The following ROBO2 variants were observed in gnomAD, a reference collection of about 807,000 sequenced individuals.
ROBO2 encodes roundabout guidance receptor 2.
Under a neutral mutation model 160.8 loss-of-function variants are expected in ROBO2, and 53 were observed. That is an observed-to-expected ratio of 0.33 (90% CI 0.26 to 0.41). ROBO2 has a LOEUF of 0.41. Ranked by LOEUF, ROBO2 falls within the 10% of genes least tolerant of loss-of-function variation. ROBO2 has a pLI of 1.00. For synonymous variants in ROBO2, 664 were observed against 611.7 expected, an observed-to-expected ratio of 1.09 and a Z score of -1.26; for missense variants, 1,577 against 1,722.4, an observed-to-expected ratio of 0.92 and a Z score of 1.49.
At chr3:76,893,700 G>A (rs2074538755) in intron 2 of ROBO2, among the ~76,000 whole-genome samples, 1 of 151,878 alleles carries the variant, frequency 6.6e-6, no homozygotes, top group African/African-American at 2.4e-5. Flanking sequence ...TAACTACTTT[G>A]AAATATACAA....
intron 2 of ROBO2, among the ~76,000 whole-genome samples, chr3:75,972,703 AT>A (rs1276797120): frequency 2.0e-5 from 3 of 151,604 alleles, no homozygotes; most frequent in Non-Finnish European, 4.4e-5. Flanking sequence ...TGAGACATAA[AT>A]TCTTGGACCC....
intron 2 of ROBO2, among the ~76,000 whole-genome samples, chr3:76,020,362 C>T (rs1053930925): frequency 2.6e-5 from 4 of 151,772 alleles, no homozygotes; most frequent in Admixed American, 1.3e-4. Context: ...ACATTTATTA[C>T]GATGACCGTT....
chr3:77,644,840 C>T, exon 25 of ROBO2: 1 of 1,614,096 alleles, frequency 6.2e-7, no homozygotes, highest in Non-Finnish European at 8.5e-7. Flanking sequence ...AGCGCAATGC[C>T]AGCGACCTTC....
intron 2 of ROBO2, among the ~76,000 whole-genome samples, chr3:76,619,665 A>G (rs1172251628): frequency 1.3e-5 from 2 of 152,348 alleles, no homozygotes; most frequent in Non-Finnish European, 1.5e-5. Flanking sequence ...ATTATGTATT[A>G]GCACACATCA....
At chr3:77,283,310 C>A (rs930490814) in intron 2 of ROBO2, among the ~76,000 whole-genome samples, 1 of 152,174 alleles carries the variant, frequency 6.6e-6, no homozygotes, top group African/African-American at 2.4e-5. Context: ...ATTGCTCTCA[C>A]ACAACGTTAC....
chr3:77,016,016 G>A (rs187649779), intron 2 of ROBO2, among the ~76,000 whole-genome samples: 51 of 151,018 alleles, frequency 3.4e-4, no homozygotes, highest in African/African-American at 1.1e-3. Flanking sequence ...TTGCTCTGTC[G>A]CCCAGGCTGG....
intron 23 of ROBO2, among the ~76,000 whole-genome samples, chr3:77,625,072 T>C (rs1476516943): frequency 6.6e-6 from 1 of 152,150 alleles, no homozygotes; most frequent in African/African-American, 2.4e-5. Context: ...AATAAGCATG[T>C]TAACTACAAT....
At chr3:77,366,032 A>T (rs1032211275) in intron 2 of ROBO2, among the ~76,000 whole-genome samples, 1 of 152,186 alleles carries the variant, frequency 6.6e-6, no homozygotes, top group Non-Finnish European at 1.5e-5. Flanking sequence ...CGCAGGAATC[A>T]GTCCTAATGA....
At chr3:76,198,199 C>T (rs1393856534) in intron 2 of ROBO2, among the ~76,000 whole-genome samples, 1 of 151,386 alleles carries the variant, frequency 6.6e-6, no homozygotes. Flanking sequence ...CCTCATCACA[C>T]CCTCCTCCCT....
At chr3:76,744,333 T>TTCC (rs1052093811) in intron 2 of ROBO2, among the ~76,000 whole-genome samples, 2 of 150,992 alleles carry the variant, frequency 1.3e-5, no homozygotes, top group Admixed American at 1.3e-4. Flanking sequence ...TTCTCTTTCT[T>TTCC]TCCTCCTCCT....
At chr3:76,475,979 C>T (rs759783196) in intron 2 of ROBO2, among the ~76,000 whole-genome samples, 13 of 152,022 alleles carry the variant, frequency 8.6e-5, no homozygotes, top group Non-Finnish European at 1.8e-4. Context: ...ATGGTGTAAC[C>T]CCATCCCTAC....
chr3:77,164,641 C>A (rs980411211), intron 2 of ROBO2, among the ~76,000 whole-genome samples: 1 of 104,610 alleles, frequency 9.6e-6, no homozygotes, highest in African/African-American at 3.7e-5. Context: ...CCCGGCCAGC[C>A]GCCCCGTCCG....
intron 2 of ROBO2, among the ~76,000 whole-genome samples, chr3:76,708,511 A>G (rs2093218754): frequency 6.6e-6 from 1 of 152,224 alleles, no homozygotes; most frequent in South Asian, 2.1e-4. Flanking sequence ...AATAAACTTC[A>G]AGTAAAAACA....
chr3:77,186,081 G>A (rs2081260421), intron 2 of ROBO2, among the ~76,000 whole-genome samples: 1 of 151,916 alleles, frequency 6.6e-6, no homozygotes, highest in African/African-American at 2.4e-5. Flanking sequence ...GGTGCAGTGT[G>A]TACTGCTCGG....
At chr3:76,157,082 C>A (rs1308469427) in intron 2 of ROBO2, among the ~76,000 whole-genome samples, 3 of 152,262 alleles carry the variant, frequency 2.0e-5, no homozygotes, top group African/African-American at 7.2e-5. Context: ...GAATTGATAT[C>A]CTCGGAGTTC....
rs1447548572 is a variant in ROBO2 at position 77,103,448 on chromosome 3, CAAG to C, written c.388+5111_388+5113del. The stretch of plus-strand genomic sequence containing the variant: ...TTTTTCTTACTGCTAAAGCAAAACA[CAAG>C]AAACTTTTCAGATTAGCTGTGATTT... On this transcript the variant is annotated intron_variant, in intron 2 of 25. Transcript: ENST00000461745. 2.0e-5 allele frequency among the ~76,000 whole-genome samples: 3 copies of C among 148,344 alleles called. No homozygotes were observed. In the East Asian group the frequency reaches 5.9e-4, roughly 29 times the overall value.
chr3:76,720,413 G>A (rs1022395033), intron 2 of ROBO2, among the ~76,000 whole-genome samples: 4 of 152,118 alleles, frequency 2.6e-5, no homozygotes, highest in Non-Finnish European at 5.9e-5. Flanking sequence ...AAGAAATAAT[G>A]TTTGCCATTC....
intron 2 of ROBO2, among the ~76,000 whole-genome samples, chr3:77,170,960 T>A (rs760834091): frequency 1.1e-4 from 16 of 152,132 alleles, no homozygotes; most frequent in Non-Finnish European, 2.2e-4. Context: ...AAAGTCTGTT[T>A]CTTATTGATT....
chr3:77,161,784 A>G (rs953248979), intron 2 of ROBO2, among the ~76,000 whole-genome samples: 1 of 151,032 alleles, frequency 6.6e-6, no homozygotes, highest in African/African-American at 2.4e-5. Flanking sequence ...AATTTCCCTT[A>G]TTCTTTTCTC....
Sources: gnomAD v4.1 joint callset for allele counts (sites outside exome capture counted in the v4.1 genomes callset) on GRCh38, gnomAD v4.1.1 for gene constraint, MANE v1.5 for transcripts, NCBI Gene and HGNC (gene_info 2026-07-23, HGNC 2026-07-21) for gene names.